Variants in BFSP2 observed in about 807,000 individuals in gnomAD.
BFSP2 encodes phakinin.
In BFSP2, 38 loss-of-function variants were observed where a neutral mutation model predicts 44.9. The ratio of observed to expected loss-of-function variants is 0.85; its 90% CI spans 0.65 to 1.11. BFSP2 has a LOEUF of 1.11. BFSP2 is among the 50% of genes least tolerant of loss of function. The pLI, the probability that BFSP2 is intolerant of heterozygous loss-of-function variation, is 0.00. For synonymous variants in BFSP2, 197 were observed against 209.9 expected (o/e 0.94, Z 0.53); for missense variants, 525 against 533.0 (o/e 0.99, Z 0.15).
At chr3:133,470,959 T>G in intron 5 of BFSP2, among the ~76,000 whole-genome samples, 1 of 150,516 alleles carries the variant, frequency 6.6e-6, no homozygotes, top group Non-Finnish European at 1.5e-5. Flanking sequence ...TGAGTAGGAG[T>G]GAGTGAGGTG....
At position 133,431,933 on chromosome 3, in the gene BFSP2, C is replaced by T. The variant is rs192980982; in HGVS notation, c.490-15384C>T. On this transcript the variant is annotated intron_variant, in intron 1 of 6. Coordinates refer to ENST00000302334, the MANE Select transcript of BFSP2 (RefSeq NM_003571.4). ...TCCCTGACTATTCCTGGATTACAGC[C>T]GCATCTCATTGCCGCCCTTCTCCCC... 2.4e-3 allele frequency among the ~76,000 whole-genome samples: 368 copies of T among 152,168 alleles called. 2 individuals carry two copies. Among genetic ancestry groups the T allele is most frequent in the Non-Finnish European group, 3.7e-3 (254 of 68,006 alleles).
intron 1 of BFSP2, among the ~76,000 whole-genome samples, chr3:133,416,045 T>C (rs1172407922): frequency 0.013 from 773 of 57,704 alleles, no homozygotes; most frequent in Middle Eastern, 0.059. Context: ...TGTCCTCTCC[T>C]CTCTACTCAT....
At chr3:133,405,775 C>T (rs1329241484) in intron 1 of BFSP2, among the ~76,000 whole-genome samples, 6 of 152,112 alleles carry the variant, frequency 3.9e-5, no homozygotes, top group Admixed American at 6.5e-5. Flanking sequence ...AGGGACACTA[C>T]AGTATGGTTA....
chr3:133,407,005 T>C (rs535513437), intron 1 of BFSP2, among the ~76,000 whole-genome samples: 1 of 152,174 alleles, frequency 6.6e-6, no homozygotes, highest in South Asian at 2.1e-4. Flanking sequence ...GCCTGGGAGG[T>C]TGAGGCTGCA....
At chr3:133,438,084 T>A (rs1576579380) in intron 1 of BFSP2, among the ~76,000 whole-genome samples, 1 of 152,226 alleles carries the variant, frequency 6.6e-6, no homozygotes, top group African/African-American at 2.4e-5. Context: ...TAGAGTTCTA[T>A]TATTTAAAGT....
At chr3:133,464,437 A>G (rs1303562750) in intron 4 of BFSP2, among the ~76,000 whole-genome samples, 4 of 152,216 alleles carry the variant, frequency 2.6e-5, no homozygotes, top group Non-Finnish European at 4.4e-5. Flanking sequence ...GGTTGTAAAG[A>G]TTAAATTAGA....
At chr3:133,460,994 A>C (rs1440884936) in intron 4 of BFSP2, among the ~76,000 whole-genome samples, 1 of 152,208 alleles carries the variant, frequency 6.6e-6, no homozygotes, top group East Asian at 1.9e-4. Flanking sequence ...CTGAGAATGC[A>C]CTTGCAATTT....
chr3:133,431,394 G>GA (rs2073716183), intron 1 of BFSP2, among the ~76,000 whole-genome samples: 1 of 151,836 alleles, frequency 6.6e-6, no homozygotes, highest in Non-Finnish European at 1.5e-5. Flanking sequence ...CCTCCCCCAG[G>GA]AGCTTGCTTC....
intron 1 of BFSP2, among the ~76,000 whole-genome samples, chr3:133,414,591 T>C (rs1358944409): frequency 5.7e-5 from 6 of 105,370 alleles, no homozygotes; most frequent in Non-Finnish European, 9.4e-5. Context: ...TACTCAGCCC[T>C]GTCCTCTCCC....
intron 4 of BFSP2, among the ~76,000 whole-genome samples, chr3:133,454,814 C>G (rs1343892341): frequency 1.3e-5 from 2 of 152,246 alleles, no homozygotes; most frequent in African/African-American, 4.8e-5. Flanking sequence ...GCAAACACGT[C>G]ATACAGCTAT....
chr3:133,423,228 G>A (rs929135714), intron 1 of BFSP2, among the ~76,000 whole-genome samples: 1 of 152,132 alleles, frequency 6.6e-6, no homozygotes, highest in Non-Finnish European at 1.5e-5. Flanking sequence ...AGTGGCTAAT[G>A]GTGCAAGCCG....
At position 133,425,768 on chromosome 3, in the gene BFSP2, A is replaced by G. The variant is rs909317759; in HGVS notation, c.490-21549A>G. On this transcript the variant is annotated intron_variant, in intron 1 of 6. Transcript: ENST00000302334. ...AATCTAAGCAGGACAAAGGGATGGG[A>G]AAGGGAAAGGGAAAGGGAAGGGAAG... Among the ~76,000 whole-genome samples, 279 of 59,466 alleles carry G rather than the reference A, an allele frequency of 4.7e-3. 5 individuals are homozygous for G. The highest frequency in any genetic ancestry group is 0.029 in the African/African-American group (273 of 9,374). The allele number at this position is 59,466 out of a possible 152,430, so 39.0% of individuals were successfully genotyped here.
chr3:133,404,210 T>C (rs1400242257), intron 1 of BFSP2, among the ~76,000 whole-genome samples: 4 of 152,156 alleles, frequency 2.6e-5, no homozygotes, highest in African/African-American at 7.2e-5. Flanking sequence ...GCCCAGCCAA[T>C]AGTTTTATCT....
chr3:133,446,424 G>GA (rs2073897544), intron 1 of BFSP2, among the ~76,000 whole-genome samples: 2 of 149,366 alleles, frequency 1.3e-5, no homozygotes, highest in Admixed American at 6.7e-5. Flanking sequence ...CTGTCTCAAA[G>GA]AAAAAACAAA....
At position 133,412,867 on chromosome 3, in the gene BFSP2, C is replaced by A. The variant is rs892169596; in HGVS notation, c.489+12295C>A. Among the ~76,000 whole-genome samples the A allele has an allele frequency of 3.3e-5, 5 of 152,226 alleles. No individual in the cohort carries two copies. In the East Asian group the frequency reaches 7.7e-4, roughly 23 times the overall value. ...TCCAGACCAGCAGTGAGACAGGAAG[C>A]GGCTGCAATGTCTGACACAGAGAAA... On this transcript the variant is annotated intron_variant, in intron 1 of 6. Transcript: ENST00000302334.
intron 1 of BFSP2, among the ~76,000 whole-genome samples, chr3:133,424,171 A>G (rs2073620327): frequency 6.7e-6 from 1 of 149,206 alleles, no homozygotes; most frequent in Non-Finnish European, 1.5e-5. Flanking sequence ...CCTGCCTCAG[A>G]AGTAGCTGGG....
intron 1 of BFSP2, among the ~76,000 whole-genome samples, chr3:133,404,154 TGCCTTGG>T (rs764989519): frequency 1.6e-4 from 25 of 152,204 alleles, no homozygotes; most frequent in Non-Finnish European, 3.2e-4. Flanking sequence ...GAGATCCTCT[TGCCTTGG>T]CCTCCCAAAG....
At chr3:133,474,274 C>A (rs1189626528) in intron 6 of BFSP2, among the ~76,000 whole-genome samples, 1 of 152,192 alleles carries the variant, frequency 6.6e-6, no homozygotes, top group Non-Finnish European at 1.5e-5. Context: ...GTGATTGTAT[C>A]ATCCAACCCC....
At chr3:133,459,277 G>A (rs922188179) in intron 4 of BFSP2, among the ~76,000 whole-genome samples, 3 of 151,940 alleles carry the variant, frequency 2.0e-5, no homozygotes, top group South Asian at 4.2e-4. Flanking sequence ...TCAGGAGGTC[G>A]AGGCTGCAGT....
Sources: allele counts gnomAD v4.1 joint callset (sites outside exome capture counted in the v4.1 genomes callset), GRCh38; gene constraint gnomAD v4.1.1; transcripts MANE v1.5; gene names NCBI Gene and HGNC (gene_info 2026-07-23, HGNC 2026-07-21).